The following SOSTDC1 variants were observed in gnomAD, a reference collection of about 807,000 sequenced individuals.
The protein encoded by SOSTDC1 is sclerostin domain-containing protein 1.
Under a neutral mutation model 15.1 loss-of-function variants are expected in SOSTDC1, and 7 were observed. The ratio of observed to expected loss-of-function variants is 0.46; its 90% CI spans 0.26 to 0.87. SOSTDC1 has a LOEUF of 0.87. Among genes scored for constraint, SOSTDC1 ranks in the 40% least tolerant of loss-of-function variants. The probability of loss-of-function intolerance (pLI) is 0.15; values close to 1 mark genes in which losing one functional copy is unlikely to be tolerated. For missense variants in SOSTDC1, 242 were observed against 259.2 expected, an observed-to-expected ratio of 0.93 and a Z score of 0.46; for synonymous variants, 94 against 93.2, an observed-to-expected ratio of 1.01 and a Z score of -0.05.
intron 1 of SOSTDC1, 25 bp downstream of exon 1, chr7:16,465,439 A>T (rs770502967): frequency 6.3e-7 from 1 of 1,588,718 alleles, no homozygotes. Flanking sequence ...GAAAAAAAAA[A>T]ACTGTACAAG....
chr7:16,462,248 G>A lies in SOSTDC1; in HGVS notation c.*300C>T. On this transcript the variant is annotated 3_prime_UTR_variant, in exon 2 of 2. Transcript: ENST00000307068. Reference sequence around the variant, plus strand: ...GCCCTTTTCTGTTTTAAAATATAATGATTCACTGATGTTTATAGTATCAAC... The same window carrying A: ...GCCCTTTTCTGTTTTAAAATATAATAATTCACTGATGTTTATAGTATCAAC... 1 of 267,774 alleles carries A rather than the reference G, an allele frequency of 3.7e-6. No homozygotes were observed. The highest frequency in any genetic ancestry group is 9.0e-5 in the South Asian group (1 of 11,162). 16.6% of individuals were successfully genotyped at this position (267,774 alleles called of 1,614,324 possible).
chr7:16,462,634 A>T lies in SOSTDC1; in HGVS notation c.535T>A (p.Phe179Ile), dbSNP rs1467585700. Residue 179 changes from phenylalanine (F) to isoleucine (I), a missense_variant, in exon 2 of 2, where the codon TTT becomes ATT. Phe to Ile is a conservative substitution (Grantham distance 21, BLOSUM62 0). Coordinates refer to ENST00000307068, the MANE Select transcript of SOSTDC1 (RefSeq NM_015464.3). ...GGCTTGGCAGGTGACATGCTCTCAA[A>T]GTTGTGACTGGACTCGTTGTGCTGC... ...TRQHNESSHN[F>I]ESMSPAKPVQ... 2.5e-6 allele frequency: 4 copies of T among 1,614,198 alleles called. No homozygotes were observed. In the South Asian group the frequency reaches 4.4e-5, roughly 18 times the overall value.
rs761503585 is a variant in SOSTDC1 at position 16,462,889 on chromosome 7, G to A, written c.280C>T (p.Pro94Ser). The A allele has an allele frequency of 6.2e-7, 1 of 1,613,726 alleles. No individual in the cohort carries two copies. The highest frequency in any genetic ancestry group is 8.5e-7 in the Non-Finnish European group (1 of 1,179,756). ...ISDGQCTSIS[P>S]LKELVCAGEC... The stretch of plus-strand genomic sequence containing the variant: ...CCAGCACACACCAGCTCCTTCAGAG[G>A]GCTGATGCTGGTGCACTGGCCATCA... The change falls in exon 2 of 2, where the codon CCT (proline) becomes TCT (serine). Residue 94 changes from proline to serine, a missense_variant. Transcript: ENST00000307068.
chr7:16,464,506 C>A, intron 1 of SOSTDC1: 1 of 683,206 alleles, frequency 1.5e-6, no homozygotes, highest in Admixed American at 2.2e-5. Context: ...AAGCAACCAG[C>A]TTCGTGAAAG....
intron 1 of SOSTDC1, 98 bp from the exon 2 acceptor site, chr7:16,463,061 G>A: frequency 8.2e-7 from 1 of 1,218,946 alleles, no homozygotes; most frequent in South Asian, 1.8e-5. Context: ...GCAAATGATA[G>A]CAAATTGCCA....
In SOSTDC1 at chr7:16,462,565, T is replaced by C; in HGVS notation, c.604A>G (p.Lys202Glu). Residue 202 changes from lysine to glutamate, a missense_variant, in exon 2 of 2, where the codon AAG becomes GAG. Lys to Glu is a moderately conservative substitution (Grantham distance 56, BLOSUM62 1). Transcript: ENST00000307068. ...TCTGAGTTCTAACTCATGCTGTGCT[T>C]GCTGGATTTGCTGGCTCTTTTCCGC... is the stretch of plus-strand genomic sequence containing the variant. ...RERKRASKSS[K>E]HSMS The C allele has an allele frequency of 1.2e-6, 2 of 1,614,126 alleles. No homozygotes were observed. Among genetic ancestry groups the C allele is most frequent in the Non-Finnish European group, 8.5e-7 (1 of 1,179,984 alleles).
At chr7:16,463,975 A>G (rs1200214667) in intron 1 of SOSTDC1, among the ~76,000 whole-genome samples, 3 of 152,208 alleles carry the variant, frequency 2.0e-5, no homozygotes, top group Admixed American at 6.5e-5. Context: ...CAAGCTTGAA[A>G]AGAAATCAAG....
At chr7:16,464,346 G>T in intron 1 of SOSTDC1, 4 of 1,550,512 alleles carry the variant, frequency 2.6e-6, no homozygotes, top group Non-Finnish European at 3.5e-6. Flanking sequence ...AATGCACCTG[G>T]AAATAGCCAG....
At chr7:16,463,485 A>G (rs1051953789) in intron 1 of SOSTDC1, among the ~76,000 whole-genome samples, 3 of 152,206 alleles carry the variant, frequency 2.0e-5, no homozygotes, top group Non-Finnish European at 4.4e-5. Flanking sequence ...TTTTATTTCA[A>G]TTATAGACTT....
chr7:16,465,718 C>G lies in SOSTDC1; in HGVS notation c.-50G>C, dbSNP rs1350656373. 1 of 1,506,532 alleles carries G rather than the reference C, an allele frequency of 6.6e-7. No homozygotes were observed. The highest frequency in any genetic ancestry group is 1.1e-5 in the South Asian group (1 of 87,424). 93.3% of individuals were successfully genotyped at this position (1,506,532 alleles called of 1,614,324 possible). ...GAAGAGCTGGTTAATTCTTTTGCTT[C>G]TGCTTCTGCACTGTAACTGTGAAAT... On this transcript the variant is annotated 5_prime_UTR_variant, in exon 1 of 2. Transcript: ENST00000307068.
At chr7:16,464,447 C>T in intron 1 of SOSTDC1, 1 of 1,120,612 alleles carries the variant, frequency 8.9e-7, no homozygotes. Flanking sequence ...GAATACCCAC[C>T]ACATTGCTCA....
rs1488458082 is a variant in SOSTDC1, at chr7:16,465,473, C to G, written c.196G>C (p.Asp66His). Residue 66 changes from aspartate (D) to histidine (H), a missense_variant, in exon 1 of 2, where the codon GAT becomes CAT. Transcript: ENST00000307068. ...GGRHFSNTGL[D>H]RNTRVQVGCR... ...AGTAAAACACACTTACTGTTCCGATCCAGTCCAGTGTTACTGAAATGCCTG... is the reference window on the plus strand; with the variant it reads ...AGTAAAACACACTTACTGTTCCGATGCAGTCCAGTGTTACTGAAATGCCTG... 2 of 1,613,428 alleles carry G rather than the reference C, an allele frequency of 1.2e-6. No individual in the cohort carries two copies. The highest frequency in any genetic ancestry group is 1.7e-6 in the Non-Finnish European group (2 of 1,179,424).
intron 1 of SOSTDC1, among the ~76,000 whole-genome samples, chr7:16,464,684 G>A (rs1351391194): frequency 6.9e-6 from 1 of 144,724 alleles, no homozygotes; most frequent in African/African-American, 2.7e-5. Context: ...CTTAAAACCT[G>A]ATTATTAGCA....
At chr7:16,464,477 A>G in intron 1 of SOSTDC1, 1 of 911,054 alleles carries the variant, frequency 1.1e-6, no homozygotes, top group South Asian at 1.4e-5. Context: ...TAATAATCAG[A>G]TATGTCCTGT....
In SOSTDC1 at chr7:16,462,810, G is replaced by T. The variant is rs759245928; in HGVS notation, c.359C>A (p.Thr120Lys). The change falls in exon 2 of 2, where the codon ACA becomes AAA. Residue 120 changes from threonine (T) to lysine (K), a missense_variant. By Grantham distance (78) the Thr-to-Lys change is moderately conservative. Coordinates refer to ENST00000307068, the MANE Select transcript of SOSTDC1 (RefSeq NM_015464.3). Reference protein sequence around the residue: ...LPNWIGGGYGTKYWSRRSSQE... With the variant: ...LPNWIGGGYGKKYWSRRSSQE... ...GGAGCTCCTCCTGCTCCAGTACTTTGTTCCATAGCCTCCTCCAATCCAGTT... is the reference window on the plus strand; with the variant it reads ...GGAGCTCCTCCTGCTCCAGTACTTTTTTCCATAGCCTCCTCCAATCCAGTT... 6.2e-7 allele frequency: 1 copy of T among 1,614,038 alleles called. No individual in the cohort carries two copies. Among genetic ancestry groups the T allele is most frequent in the African/African-American group, 1.3e-5 (1 of 74,908 alleles).
rs1038168670 is a variant in SOSTDC1, at chr7:16,461,579, CAATTG to C, written c.*964_*968del. ...AGTGTTTATTTTTGTTAAAAGAAAC[CAATTG>C]AATTGAAGGTCAAGACACCTTCTGA... On this transcript the variant is annotated 3_prime_UTR_variant, in exon 2 of 2. Coordinates refer to ENST00000307068, the MANE Select transcript of SOSTDC1 (RefSeq NM_015464.3). The C allele has an allele frequency of 1.6e-4, 24 of 152,172 alleles. No homozygotes were observed. Among genetic ancestry groups the C allele is most frequent in the East Asian group, 1.5e-3 (8 of 5,192 alleles). The allele number at this position is 152,172 out of a possible 1,614,324, so 9.4% of individuals were successfully genotyped here. A position where few individuals can be genotyped will look rare whatever the true frequency, so the allele number is the denominator to read the frequency against.
intron 1 of SOSTDC1, among the ~76,000 whole-genome samples, chr7:16,464,781 A>G (rs1448637588): frequency 6.6e-6 from 1 of 152,164 alleles, no homozygotes; most frequent in African/African-American, 2.4e-5. Flanking sequence ...TGTGTCAACT[A>G]AGCTGTTGTT....
rs971076647 is a variant in SOSTDC1, at chr7:16,461,850, C to T, written c.*698G>A. On this transcript the variant is annotated 3_prime_UTR_variant, in exon 2 of 2. Transcript: ENST00000307068. ...ACATTAAAAAATTAAAGTTTTGAAACAAATCACATGTGAAAGCTCATTAAA... is the reference window on the plus strand; with the variant it reads ...ACATTAAAAAATTAAAGTTTTGAAATAAATCACATGTGAAAGCTCATTAAA... 1 of 152,560 alleles carries T rather than the reference C, an allele frequency of 6.6e-6. No individual in the cohort carries two copies. The highest frequency in any genetic ancestry group is 2.4e-5 in the African/African-American group (1 of 41,516). 9.5% of individuals were successfully genotyped at this position (152,560 alleles called of 1,614,324 possible).
chr7:16,464,481 G>T, intron 1 of SOSTDC1: 2 of 866,046 alleles, frequency 2.3e-6, no homozygotes, highest in Non-Finnish European at 3.7e-6. Context: ...AATCAGATAT[G>T]TCCTGTGTAC....
Sources: gnomAD v4.1 joint callset for allele counts (sites outside exome capture counted in the v4.1 genomes callset) on GRCh38, gnomAD v4.1.1 for gene constraint, MANE v1.5 for transcripts, NCBI Gene and HGNC (gene_info 2026-07-23, HGNC 2026-07-21) for gene names.